Variants in ATXN1 observed in about 807,000 individuals in gnomAD.
ATXN1 encodes the protein ataxin 1.
ATXN1 carries 8 observed loss-of-function variants against 56.4 expected under a neutral mutation model. The observed-to-expected ratio is 0.14, with a 90% confidence interval of 0.08 to 0.26. The LOEUF (loss-of-function observed/expected upper bound fraction) is 0.26. ATXN1 is among the 10% of genes least tolerant of loss of function. The pLI is 1.00. For synonymous variants in ATXN1, 514 were observed against 494.6 expected, an observed-to-expected ratio of 1.04 and a Z score of -0.52; for missense variants, 987 against 1,106.5, an observed-to-expected ratio of 0.89 and a Z score of 1.53.
At chr6:16,585,001 G>C (rs958080935) in intron 4 of ATXN1, among the ~76,000 whole-genome samples, 6 of 152,094 alleles carry the variant, frequency 3.9e-5, no homozygotes, top group Non-Finnish European at 8.8e-5. Context: ...GGGAGGCTGA[G>C]GTGGGAAGAC....
At chr6:16,467,982 G>A (rs1455878973) in intron 6 of ATXN1, among the ~76,000 whole-genome samples, 2 of 152,058 alleles carry the variant, frequency 1.3e-5, no homozygotes, top group East Asian at 1.9e-4. Context: ...AGTGACCATC[G>A]AATATGTTGT....
At chr6:16,513,622 G>A (rs1761123545) in intron 5 of ATXN1, among the ~76,000 whole-genome samples, 1 of 152,152 alleles carries the variant, frequency 6.6e-6, no homozygotes, top group Non-Finnish European at 1.5e-5. Context: ...GGATGTAAAA[G>A]GGACTGAAAT....
chr6:16,411,424 T>C (rs774990113), intron 6 of ATXN1, among the ~76,000 whole-genome samples: 2 of 152,106 alleles, frequency 1.3e-5, no homozygotes, highest in Admixed American at 6.5e-5. Context: ...ATTGAAGCCC[T>C]GTTTATAGGT....
chr6:16,393,734 T>C (rs901454083), intron 6 of ATXN1, among the ~76,000 whole-genome samples: 10 of 152,304 alleles, frequency 6.6e-5, no homozygotes, highest in African/African-American at 2.4e-4. Flanking sequence ...ATATGCTTTT[T>C]AGGCCAGACG....
At chr6:16,756,766 C>A (rs1223463337) in intron 1 of ATXN1, among the ~76,000 whole-genome samples, 1 of 152,174 alleles carries the variant, frequency 6.6e-6, no homozygotes, top group Non-Finnish European at 1.5e-5. Flanking sequence ...TTTCAGATAA[C>A]TACAGTTTAA....
chr6:16,323,593 G>A (rs979855505), intron 7 of ATXN1, among the ~76,000 whole-genome samples: 1 of 150,908 alleles, frequency 6.6e-6, no homozygotes, highest in Non-Finnish European at 1.5e-5. Context: ...GCCAGGCCTG[G>A]GAAGTGTGGC....
At chr6:16,443,034 A>G (rs1581765683) in intron 6 of ATXN1, among the ~76,000 whole-genome samples, 1 of 151,610 alleles carries the variant, frequency 6.6e-6, no homozygotes, top group South Asian at 2.1e-4. Context: ...AACAAAAAAA[A>G]TAGCGGGCAT....
At chr6:16,408,458 C>A (rs1369400912) in intron 6 of ATXN1, among the ~76,000 whole-genome samples, 1 of 151,560 alleles carries the variant, frequency 6.6e-6, no homozygotes, top group African/African-American at 2.4e-5. Flanking sequence ...TAAATACTTT[C>A]CTTCATCAAG....
At chr6:16,390,680 T>TACACACACACACACA (rs60238072) in intron 6 of ATXN1, among the ~76,000 whole-genome samples, 74 of 147,260 alleles carry the variant, frequency 5.0e-4, no homozygotes, top group African/African-American at 1.8e-3. Context: ...AATAAACACA[T>TACACACACACACACA]CACACACACA....
intron 5 of ATXN1, among the ~76,000 whole-genome samples, chr6:16,488,902 GA>G (rs1194893226): frequency 1.3e-5 from 2 of 152,138 alleles, no homozygotes; most frequent in South Asian, 2.1e-4. Flanking sequence ...GAGAGAACAA[GA>G]AAAAGCACTT....
At position 16,753,353 on chromosome 6, in the gene ATXN1, A is replaced by G. The variant is rs1394021772; in HGVS notation, c.-729-6T>C. The G allele has an allele frequency of 6.6e-6, 3 of 456,892 alleles. No homozygotes were observed. Among genetic ancestry groups the G allele is most frequent in the South Asian group, 3.1e-5 (2 of 64,560 alleles). 28.3% of individuals were successfully genotyped at this position (456,892 alleles called of 1,614,324 possible). A position where few individuals can be genotyped will look rare whatever the true frequency, so the allele number is the denominator to read the frequency against. On this transcript the variant is annotated splice_region_variant and splice_polypyrimidine_tract_variant and intron_variant, in intron 1 of 7. Transcript: ENST00000436367. ...TGACTTGATGCACGATGCTCCTGCAATGGTCGAGGGAGTGCAGGAGAGGAA... is the reference window on the plus strand; with the variant it reads ...TGACTTGATGCACGATGCTCCTGCAGTGGTCGAGGGAGTGCAGGAGAGGAA...
Position 16,328,139 on chromosome 6 carries a change from C to T in ATXN1, c.172G>A (p.Gly58Arg), listed in dbSNP as rs1206946298. 11 of 1,582,576 alleles carry T rather than the reference C, an allele frequency of 7.0e-6. No individual in the cohort carries two copies. The highest frequency in any genetic ancestry group is 2.2e-5 in the East Asian group (1 of 44,478). ...GAGGTCCCTGCCGGCCCATGCCTCC[C>T]GCCCCCGTGGCCCCGGCCACCAGGG... ...GNPGGRGHGG[G>R]RHGPAGTSVE... The change falls in exon 7 of 8, where the codon GGG (glycine) becomes AGG (arginine). Residue 58 changes from glycine (G) to arginine (R), a missense_variant. Coordinates refer to ENST00000436367, the MANE Select transcript of ATXN1 (RefSeq NM_001128164.2). The surrounding 1 kb of genome is among the most constrained non-coding windows in gnomAD (Gnocchi z 6.2).
rs148760115 is a variant in ATXN1 at position 16,522,840 on chromosome 6, C to T, written c.-360-152G>A. Among the ~76,000 whole-genome samples the T allele has an allele frequency of 6.3e-4, 96 of 152,234 alleles. 1 individual carries two copies. The highest frequency in any genetic ancestry group is 2.1e-3 in the African/African-American group (88 of 41,524). On this transcript the variant is annotated intron_variant, in intron 4 of 7. Coordinates refer to ENST00000436367, the MANE Select transcript of ATXN1 (RefSeq NM_001128164.2). ...ATAAATGTCTGAAGAACAATAGATG[C>T]GTGATTATTTGGCTGACTATATGAA...
At chr6:16,719,826 G>T (rs1759710958) in intron 2 of ATXN1, among the ~76,000 whole-genome samples, 1 of 152,172 alleles carries the variant, frequency 6.6e-6, no homozygotes, top group Non-Finnish European at 1.5e-5. Context: ...ACAAGCCAAG[G>T]AACGCCTGGA....
At chr6:16,345,129 T>G (rs1037585250) in intron 6 of ATXN1, among the ~76,000 whole-genome samples, 1 of 152,186 alleles carries the variant, frequency 6.6e-6, no homozygotes, top group African/African-American at 2.4e-5. Flanking sequence ...TTCTAGATTT[T>G]GGATGTGATG....
At chr6:16,389,784 G>A (rs1758315307) in intron 6 of ATXN1, among the ~76,000 whole-genome samples, 2 of 152,202 alleles carry the variant, frequency 1.3e-5, no homozygotes, top group African/African-American at 4.8e-5. Flanking sequence ...TTTCAAATAA[G>A]TGGGACCAGC....
chr6:16,619,181 T>C (rs185478922), intron 3 of ATXN1, among the ~76,000 whole-genome samples: 2 of 152,240 alleles, frequency 1.3e-5, no homozygotes, highest in South Asian at 4.1e-4. Flanking sequence ...CACATGAACG[T>C]TCTTTGTCAT....
At chr6:16,647,547 G>C (rs750992785) in intron 3 of ATXN1, among the ~76,000 whole-genome samples, 1 of 152,130 alleles carries the variant, frequency 6.6e-6, no homozygotes, top group Non-Finnish European at 1.5e-5. Context: ...TTAAATCTTT[G>C]AGATCTGGGG....
intron 2 of ATXN1, among the ~76,000 whole-genome samples, chr6:16,731,454 C>CTTTTTTT (rs71559655): frequency 0.013 from 1,060 of 81,610 alleles, 85 homozygotes; most frequent in Non-Finnish European, 0.018. Context: ...TTTTTCTTTT[C>CTTTTTTT]TTTTTTTTTT....
Sources: allele counts gnomAD v4.1 joint callset (sites outside exome capture counted in the v4.1 genomes callset), GRCh38; gene constraint gnomAD v4.1.1; non-coding constraint Gnocchi (gnomAD v3.1); transcripts MANE v1.5; gene names NCBI Gene and HGNC (gene_info 2026-07-23, HGNC 2026-07-21).